TRIP4: variants seen among roughly 807,000 people sequenced by gnomAD.
The protein encoded by TRIP4 is thyroid hormone receptor interactor 4, also known as activating signal cointegrator 1.
A neutral mutation model predicts 81.8 loss-of-function variants in TRIP4; 54 were observed. The ratio of observed to expected loss-of-function variants is 0.66; its 90% CI spans 0.53 to 0.83. The LOEUF (loss-of-function observed/expected upper bound fraction) is 0.83, where lower values mean the gene tolerates loss of function less well. Among genes scored for constraint, TRIP4 ranks in the 40% least tolerant of loss-of-function variants. The pLI is 0.00. For missense variants in TRIP4, 662 were observed against 683.6 expected (o/e 0.97, Z 0.35); for synonymous variants, 270 against 242.8 (o/e 1.11, Z -1.04).
rs911475479 is a variant in TRIP4, at chr15:64,422,689, C to G, written c.1359-1342C>G. Among the ~76,000 whole-genome samples, 33 of 152,332 alleles carry G rather than the reference C, an allele frequency of 2.2e-4. 1 individual carries two copies. The highest frequency in any genetic ancestry group is 1.5e-3 in the East Asian group (8 of 5,188). On this transcript the variant is annotated intron_variant, in intron 9 of 12. Transcript: ENST00000261884. Reference sequence around the variant, plus strand: ...AGGGAATCAGAGTGTTTACATTTCTCTCATCCTATTTGGATCTGTTATTCA... The same window carrying G: ...AGGGAATCAGAGTGTTTACATTTCTGTCATCCTATTTGGATCTGTTATTCA...
intron 8 of TRIP4, among the ~76,000 whole-genome samples, chr15:64,416,017 C>T (rs1295548794): frequency 6.6e-6 from 1 of 152,008 alleles, no homozygotes; most frequent in African/African-American, 2.4e-5. Context: ...TGATGCCAGC[C>T]CAAATTAGTA....
intron 5 of TRIP4, among the ~76,000 whole-genome samples, chr15:64,405,627 CTG>C (rs1891605957): frequency 1.3e-5 from 2 of 152,168 alleles, no homozygotes; most frequent in Non-Finnish European, 2.9e-5. Context: ...TAAACTGAAA[CTG>C]TTCATTTTTT....
chr15:64,401,208 C>T (rs1891498749), intron 5 of TRIP4, among the ~76,000 whole-genome samples: 2 of 151,332 alleles, frequency 1.3e-5, no homozygotes, highest in Admixed American at 1.3e-4. Flanking sequence ...GATCTCGGCT[C>T]ACTACAACCT....
chr15:64,435,822 T>TAAAA (rs57170652), intron 11 of TRIP4, among the ~76,000 whole-genome samples: 12 of 65,942 alleles, frequency 1.8e-4, no homozygotes, highest in African/African-American at 2.7e-4. Flanking sequence ...GGAAGCTTCT[T>TAAAA]AAAAAAAAAA....
At chr15:64,441,756 G>C (rs774906383) in intron 11 of TRIP4, among the ~76,000 whole-genome samples, 4 of 151,912 alleles carry the variant, frequency 2.6e-5, no homozygotes, top group Non-Finnish European at 5.9e-5. Flanking sequence ...CTGGGCAACA[G>C]AGCGAGACTC....
At chr15:64,421,583 G>A (rs557204301) in intron 9 of TRIP4, among the ~76,000 whole-genome samples, 3 of 151,652 alleles carry the variant, frequency 2.0e-5, no homozygotes, top group Non-Finnish European at 4.4e-5. Context: ...TGATCCACCC[G>A]CCTCCACTTC....
chr15:64,441,178 A>G (rs1481961364), intron 11 of TRIP4, among the ~76,000 whole-genome samples: 1 of 151,726 alleles, frequency 6.6e-6, no homozygotes, highest in Non-Finnish European at 1.5e-5. Context: ...TTGTATTTTT[A>G]GTAGAGACGG....
intron 4 of TRIP4, among the ~76,000 whole-genome samples, chr15:64,398,726 C>T (rs1448825417): frequency 6.6e-6 from 1 of 152,072 alleles, no homozygotes; most frequent in Non-Finnish European, 1.5e-5. Context: ...CAGGATTCCA[C>T]CTTGTCATAG....
chr15:64,426,931 C>T (rs566936398), intron 11 of TRIP4, among the ~76,000 whole-genome samples: 1 of 151,530 alleles, frequency 6.6e-6, no homozygotes, highest in South Asian at 2.1e-4. Flanking sequence ...ACCCAGAAGG[C>T]AGAGGTTGCA....
intron 2 of TRIP4, 76 bp downstream of exon 2, chr15:64,394,191 T>A (rs1900219622): frequency 7.6e-6 from 10 of 1,315,872 alleles, no homozygotes; most frequent in African/African-American, 6.1e-5. Context: ...TATTATTTTT[T>A]TTTTTGCCAT....
At chr15:64,416,136 TGGGA>T (rs1249334680) in intron 8 of TRIP4, among the ~76,000 whole-genome samples, 1 of 151,894 alleles carries the variant, frequency 6.6e-6, no homozygotes, top group Non-Finnish European at 1.5e-5. Context: ...GAAGCTGAGG[TGGGA>T]GGATCACTTG....
At chr15:64,408,359 C>A (rs8027197) in intron 6 of TRIP4, among the ~76,000 whole-genome samples, 1 of 149,560 alleles carries the variant, frequency 6.7e-6, no homozygotes, top group Non-Finnish European at 1.5e-5. Context: ...CCTGGACTCA[C>A]GCCATTCTCC....
intron 11 of TRIP4, among the ~76,000 whole-genome samples, chr15:64,440,410 G>T (rs1892490376): frequency 1.3e-5 from 2 of 150,042 alleles, no homozygotes; most frequent in African/African-American, 4.9e-5. Flanking sequence ...TTGTTAGTAT[G>T]TAATGTGGTC....
intron 12 of TRIP4, chr15:64,450,649 G>A: frequency 2.2e-6 from 1 of 455,796 alleles, no homozygotes; most frequent in Non-Finnish European, 4.4e-6. Context: ...GTTGGCAAAT[G>A]TCTGATTTTT....
intron 11 of TRIP4, among the ~76,000 whole-genome samples, chr15:64,431,855 TATCCAAAGAGCA>T (rs1566981714): frequency 2.3e-5 from 3 of 131,754 alleles, no homozygotes; most frequent in Non-Finnish European, 4.8e-5. Flanking sequence ...ATATTTTTTT[TATCCAAAGAGCA>T]TTGTGTTTTC....
intron 4 of TRIP4, among the ~76,000 whole-genome samples, chr15:64,400,052 A>G (rs1891454862): frequency 1.3e-5 from 2 of 151,720 alleles, no homozygotes; most frequent in African/African-American, 4.8e-5. Flanking sequence ...AGAATACTAG[A>G]TAAAACATAT....
chr15:64,414,764 G>A (rs1891856871), intron 8 of TRIP4, among the ~76,000 whole-genome samples: 2 of 151,904 alleles, frequency 1.3e-5, no homozygotes, highest in African/African-American at 4.8e-5. Context: ...TGATCTACCT[G>A]CCTCAACCTC....
intron 9 of TRIP4, among the ~76,000 whole-genome samples, chr15:64,421,692 G>A (rs528953652): frequency 1.1e-4 from 16 of 152,208 alleles, no homozygotes; most frequent in African/African-American, 3.9e-4. Context: ...GTTAACCACT[G>A]TGCTCCAGCT....
At chr15:64,405,915 C>T (rs1161619089) in intron 5 of TRIP4, among the ~76,000 whole-genome samples, 2 of 152,248 alleles carry the variant, frequency 1.3e-5, no homozygotes, top group East Asian at 3.9e-4. Flanking sequence ...TCGCCTGAGC[C>T]TAAGAGTTTG....
Sources: allele counts gnomAD v4.1 joint callset (sites outside exome capture counted in the v4.1 genomes callset), GRCh38; gene constraint gnomAD v4.1.1; transcripts MANE v1.5; gene names NCBI Gene and HGNC (gene_info 2026-07-23, HGNC 2026-07-21).